Variants in TNFSF4 observed in about 807,000 individuals in gnomAD.
TNFSF4 encodes TNF superfamily member 4, also known as tumor necrosis factor ligand superfamily member 4.
A neutral mutation model predicts 7.3 loss-of-function variants in TNFSF4; 4 were observed. The observed-to-expected ratio is 0.55, with a 90% CI of 0.27 to 1.25. The LOEUF is 1.25. Among genes scored for constraint, TNFSF4 ranks in the 50% most tolerant of loss-of-function variants. TNFSF4 has a pLI of 0.12. For missense variants in TNFSF4, 181 were observed against 208.8 expected, an observed-to-expected ratio of 0.87 and a Z score of 0.82; for synonymous variants, 76 against 83.7, an observed-to-expected ratio of 0.91 and a Z score of 0.50.
the TNFSF4 span, among the ~76,000 whole-genome samples, chr1:173,332,462 C>T: frequency 2.0e-4 from 30 of 152,060 alleles, no homozygotes; most frequent in Admixed American, 3.3e-4. Context: ...ACCCAGGAGG[C>T]GGAGGATGCA....
chr1:173,174,027 A>C, the TNFSF4 span, among the ~76,000 whole-genome samples: 1 of 152,180 alleles, frequency 6.6e-6, no homozygotes, highest in Non-Finnish European at 1.5e-5. Flanking sequence ...TCAAACTTTT[A>C]TGCTCTGCTT....
At chr1:173,376,334 C>T in the TNFSF4 span, among the ~76,000 whole-genome samples, 5 of 152,232 alleles carry the variant, frequency 3.3e-5, no homozygotes, top group African/African-American at 1.2e-4. Flanking sequence ...CAAAGTAATA[C>T]AGGAACAGAA....
chr1:173,189,655 T>C (rs904904559), intron 1 of TNFSF4, among the ~76,000 whole-genome samples: 11 of 151,040 alleles, frequency 7.3e-5, no homozygotes, highest in African/African-American at 2.7e-4. Context: ...AAAAAAAAGT[T>C]GGGGGGGGTG....
the TNFSF4 span, among the ~76,000 whole-genome samples, chr1:173,283,031 T>C: frequency 6.6e-6 from 1 of 152,160 alleles, no homozygotes; most frequent in Non-Finnish European, 1.5e-5. Flanking sequence ...CCCAGATCTA[T>C]CAGTACATGC....
chr1:173,246,186 A>T, the TNFSF4 span, among the ~76,000 whole-genome samples: 1 of 152,142 alleles, frequency 6.6e-6, no homozygotes, highest in Non-Finnish European at 1.5e-5. Flanking sequence ...TCTGGGATAC[A>T]TGTGCAGAAT....
chr1:173,347,079 C>T, the TNFSF4 span, among the ~76,000 whole-genome samples: 1 of 152,156 alleles, frequency 6.6e-6, no homozygotes, highest in Non-Finnish European at 1.5e-5. Flanking sequence ...TTTTTGCATA[C>T]TTGTGACTGG....
chr1:173,211,689 G>C (rs1369539728), upstream of TNFSF4, among the ~76,000 whole-genome samples: 1 of 152,158 alleles, frequency 6.6e-6, no homozygotes, highest in Non-Finnish European at 1.5e-5. Context: ...CCCATGAAGG[G>C]CTGTCCTGTG....
downstream of TNFSF4, among the ~76,000 whole-genome samples, chr1:173,181,144 A>C (rs943568977): frequency 6.6e-4 from 100 of 152,336 alleles, 1 homozygote; most frequent in African/African-American, 2.3e-3. Flanking sequence ...AATTACTTAA[A>C]GGGTGTATGT....
the TNFSF4 span, among the ~76,000 whole-genome samples, chr1:173,241,984 G>C: frequency 6.6e-6 from 1 of 152,188 alleles, no homozygotes; most frequent in African/African-American, 2.4e-5. Context: ...AGGCCTTTGG[G>C]GGCCTGCAAG....
chr1:173,284,318 A>C, the TNFSF4 span, among the ~76,000 whole-genome samples: 17 of 152,194 alleles, frequency 1.1e-4, no homozygotes, highest in African/African-American at 4.1e-4. Flanking sequence ...AAGTAGCTAG[A>C]CCCTGGATAA....
chr1:173,295,940 C>T, the TNFSF4 span, among the ~76,000 whole-genome samples: 4,322 of 152,022 alleles, frequency 0.028, 190 homozygotes, highest in African/African-American at 0.098. Flanking sequence ...GTATCTCAAA[C>T]TAGCTCCTGT....
the TNFSF4 span, among the ~76,000 whole-genome samples, chr1:173,393,467 C>T: frequency 6.6e-6 from 1 of 152,192 alleles, no homozygotes; most frequent in African/African-American, 2.4e-5. Context: ...CTATGACCAT[C>T]CCAAATCACA....
At chr1:173,238,706 CATGT>C in the TNFSF4 span, among the ~76,000 whole-genome samples, 1 of 149,212 alleles carries the variant, frequency 6.7e-6, no homozygotes, top group Non-Finnish European at 1.5e-5. Context: ...AGTGAGATCC[CATGT>C]TACACCAGTC....
chr1:173,410,081 A>G, the TNFSF4 span, among the ~76,000 whole-genome samples: 3,121 of 152,298 alleles, frequency 0.02, 115 homozygotes, highest in African/African-American at 0.072. Flanking sequence ...CCTGGGCAAC[A>G]TAGTGAGACC....
At chr1:173,348,120 C>T in the TNFSF4 span, among the ~76,000 whole-genome samples, 351 of 152,286 alleles carry the variant, frequency 2.3e-3, 5 homozygotes, top group African/African-American at 8.1e-3. Context: ...AATCTAAGTA[C>T]CTAATATGGT....
chr1:173,308,907 T>G, the TNFSF4 span, among the ~76,000 whole-genome samples: 1 of 151,922 alleles, frequency 6.6e-6, no homozygotes, highest in Non-Finnish European at 1.5e-5. Flanking sequence ...GCTGTATTGA[T>G]GTTTATAAAA....
the TNFSF4 span, among the ~76,000 whole-genome samples, chr1:173,409,169 A>G: frequency 6.6e-6 from 1 of 152,226 alleles, no homozygotes; most frequent in Non-Finnish European, 1.5e-5. Flanking sequence ...CAAATGAAGG[A>G]GCATTCCACA....
the TNFSF4 span, among the ~76,000 whole-genome samples, chr1:173,224,583 T>C: frequency 6.6e-6 from 1 of 152,228 alleles, no homozygotes. Context: ...CTCATTAAAC[T>C]GTCAGAAACA....
the TNFSF4 span, among the ~76,000 whole-genome samples, chr1:173,335,904 C>T: frequency 4.6e-5 from 7 of 152,322 alleles, no homozygotes; most frequent in Non-Finnish European, 8.8e-5. Context: ...TCCAGGACTA[C>T]TGAACACTGG....
Sources: allele counts gnomAD v4.1 joint callset (sites outside exome capture counted in the v4.1 genomes callset), GRCh38; gene constraint gnomAD v4.1.1; transcripts MANE v1.5; gene names NCBI Gene and HGNC (gene_info 2026-07-23, HGNC 2026-07-21).